FEM1C: variants seen among roughly 807,000 people sequenced by gnomAD.
FEM1C encodes protein fem-1 homolog C.
FEM1C carries 15 observed loss-of-function variants against 37.6 expected under a neutral mutation model. The observed-to-expected ratio is 0.40, with a 90% CI of 0.27 to 0.61. The LOEUF is 0.61. Among genes scored for constraint, FEM1C ranks in the 20% least tolerant of loss-of-function variants. FEM1C has a pLI of 0.42. For missense variants in FEM1C, 532 were observed against 749.7 expected, an observed-to-expected ratio of 0.71 and a Z score of 3.39; for synonymous variants, 287 against 272.8, an observed-to-expected ratio of 1.05 and a Z score of -0.51.
intron 2 of FEM1C, among the ~76,000 whole-genome samples, chr5:115,531,673 T>C (rs1352033130): frequency 6.6e-6 from 1 of 152,164 alleles, no homozygotes. Flanking sequence ...GTTAAATTAA[T>C]GGATATGGCT....
chr5:115,525,754 G>C, intron 2 of FEM1C, 137 bp from the exon 3 acceptor site: 1 of 636,006 alleles, frequency 1.6e-6, no homozygotes, highest in South Asian at 3.1e-5. Context: ...GTTTACAAAC[G>C]AGAAAAAAAA....
rs184136967 is a variant in FEM1C, at chr5:115,532,035, C to A, written c.545-6418G>T. 2.1e-3 allele frequency among the ~76,000 whole-genome samples: 327 copies of A among 152,206 alleles called. 4 individuals carry two copies. The highest frequency in any genetic ancestry group is 3.7e-3 in the Non-Finnish European group (252 of 68,000). Reference sequence around the variant, plus strand: ...TTCCTATAAAGCACTTCCTTCTTTACCATTTTAACTTCTTGTCCTTCAAAT... The same window carrying A: ...TTCCTATAAAGCACTTCCTTCTTTAACATTTTAACTTCTTGTCCTTCAAAT... On this transcript the variant is annotated intron_variant, in intron 2 of 2. Transcript: ENST00000274457.
intron 2 of FEM1C, among the ~76,000 whole-genome samples, chr5:115,537,304 G>C (rs1754148896): frequency 1.3e-5 from 2 of 151,970 alleles, no homozygotes; most frequent in South Asian, 2.1e-4. Flanking sequence ...AAATGAACCA[G>C]TGAAGGAACT....
chr5:115,543,272 G>C lies in FEM1C; in HGVS notation c.222C>G (p.Val74=), dbSNP rs1393061206. The C allele has an allele frequency of 1.2e-6, 2 of 1,614,172 alleles. No homozygotes were observed. Among genetic ancestry groups the C allele is most frequent in the Admixed American group, 3.3e-5 (2 of 60,018 alleles). ...CCTCAATGGTTTCGCCATCAAAATTGACGGAGCCCCCAACTTCTATGGAGG... is the reference window on the plus strand; with the variant it reads ...CCTCAATGGTTTCGCCATCAAAATTCACGGAGCCCCCAACTTCTATGGAGG... ...CSASIEVGGS[V]NFDGETIEGA... is the part of the protein sequence containing the mutation. Residue 74 remains valine, a synonymous_variant, in exon 2 of 3, where the codon GTC becomes GTG. Coordinates refer to ENST00000274457, the MANE Select transcript of FEM1C (RefSeq NM_020177.3).
At chr5:115,536,747 C>T (rs1189638362) in intron 2 of FEM1C, among the ~76,000 whole-genome samples, 1 of 151,902 alleles carries the variant, frequency 6.6e-6, no homozygotes, top group African/African-American at 2.4e-5. Context: ...TATGTGCCCT[C>T]CCTTCATTAA....
intron 2 of FEM1C, among the ~76,000 whole-genome samples, chr5:115,529,321 A>G (rs1251368804): frequency 6.6e-6 from 1 of 152,108 alleles, no homozygotes; most frequent in Non-Finnish European, 1.5e-5. Context: ...GTTACCTATA[A>G]AAGAGCAACA....
chr5:115,525,670 A>ATTAC, intron 2 of FEM1C, 53 bp from the exon 3 acceptor site: 2 of 1,344,046 alleles, frequency 1.5e-6, no homozygotes, highest in Non-Finnish European at 1.0e-6. Flanking sequence ...ACCAAAATAT[A>ATTAC]ATGTAATATA....
rs11330098 is a variant in FEM1C, at chr5:115,521,078, C to CAAAAAAAAAAAAAA, written c.*3216_*3229dup. The CAAAAAAAAAAAAAA allele has an allele frequency of 1.2e-5, 1 of 80,950 alleles. No homozygotes were observed. The highest frequency in any genetic ancestry group is 3.6e-4 in the South Asian group (1 of 2,770). 5.0% of individuals were successfully genotyped at this position (80,950 alleles called of 1,614,324 possible). On this transcript the variant is annotated 3_prime_UTR_variant, in exon 3 of 3. Transcript: ENST00000274457. ...CTAGTTGTTTAGTGACACATAAGGG[C>CAAAAAAAAAAAAAA]AAAAAAAAAAAAAAGAAAAAGAAAA...
intron 2 of FEM1C, among the ~76,000 whole-genome samples, chr5:115,526,184 G>T (rs908695676): frequency 3.9e-5 from 6 of 152,056 alleles, no homozygotes; most frequent in African/African-American, 1.4e-4. Context: ...ATATATCTAA[G>T]ATTCTTCATT....
intron 2 of FEM1C, among the ~76,000 whole-genome samples, chr5:115,532,541 G>GA (rs1357266450): frequency 7.4e-5 from 11 of 149,426 alleles, no homozygotes; most frequent in African/African-American, 1.2e-4. Flanking sequence ...AAACAGAGGG[G>GA]AAAAAAAAAA....
chr5:115,543,075 G>A lies in FEM1C; in HGVS notation c.419C>T (p.Ala140Val). Residue 140 changes from alanine (A) to valine (V), a missense_variant, in exon 2 of 3, where the codon GCT (alanine) becomes GTT (valine). Physicochemically the swap from Ala to Val is moderately conservative, Grantham distance 64 (BLOSUM62 0). Transcript: ENST00000274457. ...ATGTCGGTTTGACACTTCCAAATCA[G>A]CTTTGTGTTCTACAAGGTACTTCAC... ...EIVKYLVEHK[A>V]DLEVSNRHGH... is the part of the protein sequence containing the mutation. The A allele has an allele frequency of 6.2e-7, 1 of 1,614,220 alleles. No homozygotes were observed.
intron 2 of FEM1C, among the ~76,000 whole-genome samples, chr5:115,536,207 G>A (rs1035420730): frequency 1.3e-5 from 2 of 151,980 alleles, no homozygotes; most frequent in East Asian, 3.9e-4. Flanking sequence ...ACTTTAAGTG[G>A]TTTTGTGAAT....
chr5:115,537,412 C>T (rs1754151550), intron 2 of FEM1C, among the ~76,000 whole-genome samples: 1 of 152,038 alleles, frequency 6.6e-6, no homozygotes, highest in South Asian at 2.1e-4. Context: ...TCAGGATCTA[C>T]TCATTCTCAC....
intron 2 of FEM1C, among the ~76,000 whole-genome samples, chr5:115,541,558 TAC>T (rs1435003041): frequency 6.6e-6 from 1 of 152,196 alleles, no homozygotes; most frequent in African/African-American, 2.4e-5. Flanking sequence ...GTATTTATAC[TAC>T]AGTTATTCTC....
Position 115,522,617 on chromosome 5 carries a change from A to G in FEM1C, c.*1691T>C, listed in dbSNP as rs1382498339. The G allele has an allele frequency of 6.6e-6, 1 of 152,092 alleles. No homozygotes were observed. The highest frequency in any genetic ancestry group is 6.6e-5 in the Admixed American group (1 of 15,228). 9.4% of individuals were successfully genotyped at this position (152,092 alleles called of 1,614,324 possible). A position where few individuals can be genotyped will look rare whatever the true frequency, so the allele number is the denominator to read the frequency against. On this transcript the variant is annotated 3_prime_UTR_variant, in exon 3 of 3. Coordinates refer to ENST00000274457, the MANE Select transcript of FEM1C (RefSeq NM_020177.3). The stretch of plus-strand genomic sequence containing the variant: ...GTTTTTACTGACTAAAGATGATGAC[A>G]TACCTAATGTGACTGTTTGCATTGA...
intron 2 of FEM1C, among the ~76,000 whole-genome samples, chr5:115,527,328 A>G (rs1027203327): frequency 1.3e-5 from 2 of 152,314 alleles, no homozygotes; most frequent in South Asian, 2.1e-4. Context: ...ACAAGTTATT[A>G]TAAGAAATAT....
chr5:115,534,046 C>T (rs1754070352), intron 2 of FEM1C, among the ~76,000 whole-genome samples: 1 of 151,802 alleles, frequency 6.6e-6, no homozygotes, highest in South Asian at 2.1e-4. Flanking sequence ...TCTGTTAAAG[C>T]ATTTCTCTAG....
Position 115,525,502 on chromosome 5 carries a change from T to C in FEM1C, c.660A>G (p.Ser220=), listed in dbSNP as rs1247459933. ...KDGYGMTPLL[S]ASVTGHTNIV... ...TATTTGTGTGACCAGTCACACTTGC[T>C]GAGAGAAGGGGAGTCATTCCATAAC... is the stretch of plus-strand genomic sequence containing the variant. The change falls in exon 3 of 3, where the codon TCA becomes TCG. Residue 220 remains serine, a synonymous_variant. Transcript: ENST00000274457. The C allele has an allele frequency of 6.2e-7, 1 of 1,613,692 alleles. No homozygotes were observed. Among genetic ancestry groups the C allele is most frequent in the Admixed American group, 1.7e-5 (1 of 59,906 alleles).
intron 2 of FEM1C, among the ~76,000 whole-genome samples, chr5:115,535,235 T>C (rs961158968): frequency 3.3e-5 from 5 of 150,180 alleles, no homozygotes; most frequent in African/African-American, 1.2e-4. Flanking sequence ...TAAAAATCCG[T>C]TTGTAAAATA....
Sources: allele counts gnomAD v4.1 joint callset (sites outside exome capture counted in the v4.1 genomes callset), GRCh38; gene constraint gnomAD v4.1.1; transcripts MANE v1.5; gene names NCBI Gene and HGNC (gene_info 2026-07-23, HGNC 2026-07-21).